Variants in STK39 observed in about 807,000 individuals in gnomAD.
STK39 encodes the protein STE20/SPS1-related proline-alanine-rich protein kinase.
Under a neutral mutation model 77.8 loss-of-function variants are expected in STK39, and 20 were observed. The ratio of observed to expected loss-of-function variants is 0.26; its 90% CI spans 0.18 to 0.37. The LOEUF (loss-of-function observed/expected upper bound fraction) is 0.37. Among genes scored for constraint, STK39 ranks in the 10% least tolerant of loss-of-function variants. The pLI, the probability that STK39 is intolerant of heterozygous loss-of-function variation, is 1.00. For missense variants in STK39, 479 were observed against 656.5 expected, an observed-to-expected ratio of 0.73 and a Z score of 2.95; for synonymous variants, 246 against 234.1, an observed-to-expected ratio of 1.05 and a Z score of -0.47.
chr2:168,191,748 G>C (rs1027440216), intron 1 of STK39, among the ~76,000 whole-genome samples: 5 of 152,144 alleles, frequency 3.3e-5, no homozygotes, highest in Admixed American at 3.3e-4. Context: ...TCAGTCAGGG[G>C]CTATTAGGAA....
intron 1 of STK39, among the ~76,000 whole-genome samples, chr2:168,245,997 T>G (rs1690889206): frequency 6.6e-6 from 1 of 152,140 alleles, no homozygotes; most frequent in Non-Finnish European, 1.5e-5. Flanking sequence ...GCTGTTTTAT[T>G]CCCCAATAGC....
chr2:168,074,121 C>T (rs1409433075), intron 12 of STK39, among the ~76,000 whole-genome samples: 2 of 152,108 alleles, frequency 1.3e-5, no homozygotes, highest in East Asian at 3.9e-4. Context: ...GCTCTGCTGT[C>T]CTCCTCCTTA....
chr2:168,057,749 A>G (rs1685563592), intron 14 of STK39, among the ~76,000 whole-genome samples: 1 of 152,078 alleles, frequency 6.6e-6, no homozygotes, highest in South Asian at 2.1e-4. Flanking sequence ...AACTAATGAC[A>G]TTCCCTGTTT....
At chr2:168,206,603 G>T (rs961436486) in intron 1 of STK39, among the ~76,000 whole-genome samples, 1 of 152,064 alleles carries the variant, frequency 6.6e-6, no homozygotes, top group Non-Finnish European at 1.5e-5. Flanking sequence ...GCCCGGCTGA[G>T]ATCTAGACTC....
At chr2:168,147,339 G>A (rs181641152) in intron 5 of STK39, among the ~76,000 whole-genome samples, 4 of 152,222 alleles carry the variant, frequency 2.6e-5, no homozygotes, top group Admixed American at 6.5e-5. Flanking sequence ...GCCAGCATCC[G>A]GCCTTCCCGA....
chr2:168,181,882 A>C, intron 2 of STK39, 96 bp downstream of exon 2: 4 of 1,032,916 alleles, frequency 3.9e-6, no homozygotes, highest in Non-Finnish European at 5.9e-6. Context: ...GCATATGTCA[A>C]AACTGGAGAT....
chr2:168,090,749 C>G (rs1290393299), intron 10 of STK39, among the ~76,000 whole-genome samples: 2 of 152,148 alleles, frequency 1.3e-5, no homozygotes, highest in East Asian at 3.8e-4. Flanking sequence ...CCTCAGAAAA[C>G]AACCATCTTT....
At chr2:167,993,359 A>G (rs560642934) in intron 16 of STK39, among the ~76,000 whole-genome samples, 1 of 152,318 alleles carries the variant, frequency 6.6e-6, no homozygotes, top group South Asian at 2.1e-4. Context: ...CTTGCTCCTT[A>G]TTAAGAATCA....
At chr2:168,039,745 G>A (rs1373237748) in intron 14 of STK39, among the ~76,000 whole-genome samples, 2 of 152,232 alleles carry the variant, frequency 1.3e-5, no homozygotes, top group East Asian at 1.9e-4. Flanking sequence ...CTTCACGGGT[G>A]TACACAGCTG....
rs79635316 is a variant in STK39 at position 168,243,170 on chromosome 2, A to G, written c.208+4058T>C. On this transcript the variant is annotated intron_variant, in intron 1 of 17. Transcript: ENST00000355999. Reference sequence around the variant, plus strand: ...GCCAGCGAAGGTACCACTGTCCTCAAACTGCCTCTAGGATATCTATAAAAA... The same window carrying G: ...GCCAGCGAAGGTACCACTGTCCTCAGACTGCCTCTAGGATATCTATAAAAA... 1.8e-3 allele frequency among the ~76,000 whole-genome samples: 273 copies of G among 152,324 alleles called. 1 individual carries two copies. Among genetic ancestry groups the G allele is most frequent in the African/African-American group, 6.2e-3 (256 of 41,584 alleles).
In STK39 at chr2:168,246,916, G is replaced by GCGC. The variant is rs1321391196; in HGVS notation, c.208+309_208+311dup. On this transcript the variant is annotated intron_variant, in intron 1 of 17. Transcript: ENST00000355999. Reference sequence around the variant, plus strand: ...CACGCGGGGGGAGGAAGATGCGGCGGCGCCGCCTGGTCCTCCGCTCCACCG... The same window carrying GCGC: ...CACGCGGGGGGAGGAAGATGCGGCGGCGCCGCCGCCTGGTCCTCCGCTCCACCG... Among the ~76,000 whole-genome samples, 7 of 152,040 alleles carry GCGC rather than the reference G, an allele frequency of 4.6e-5. No individual in the cohort carries two copies. The East Asian group carries it at 5.8e-4, about 13-fold the overall frequency.
At chr2:167,963,407 A>G (rs995239530) in intron 17 of STK39, among the ~76,000 whole-genome samples, 9 of 152,136 alleles carry the variant, frequency 5.9e-5, no homozygotes, top group African/African-American at 1.9e-4. Context: ...CTCTGTTTGC[A>G]TATTACAAAT....
chr2:168,242,326 C>A (rs1020338604), intron 1 of STK39, among the ~76,000 whole-genome samples: 9 of 151,500 alleles, frequency 5.9e-5, no homozygotes, highest in African/African-American at 2.2e-4. Context: ...ACTTGGGAGG[C>A]TGAGGCAGGC....
chr2:167,974,065 G>T (rs10183952), intron 16 of STK39, among the ~76,000 whole-genome samples: 24,008 of 152,052 alleles, frequency 0.16, 2,120 homozygotes, highest in African/African-American at 0.21. Flanking sequence ...CTAATGCAAG[G>T]ATGAAATTTG....
intron 1 of STK39, among the ~76,000 whole-genome samples, chr2:168,225,400 CAA>C (rs2105249541): frequency 6.6e-6 from 1 of 152,194 alleles, no homozygotes; most frequent in East Asian, 1.9e-4. Context: ...GTTAGTTCCT[CAA>C]AGAGTATCAG....
chr2:168,036,162 A>T (rs1684947239), intron 14 of STK39, among the ~76,000 whole-genome samples: 1 of 152,090 alleles, frequency 6.6e-6, no homozygotes. Flanking sequence ...TTTCTCTGGG[A>T]TTAGCCCAAA....
intron 4 of STK39, among the ~76,000 whole-genome samples, 175 bp from the exon 5 acceptor site, chr2:168,162,017 G>A (rs968575633): frequency 2.6e-5 from 4 of 152,178 alleles, no homozygotes; most frequent in African/African-American, 9.6e-5. Flanking sequence ...TGGGCACAGT[G>A]GCTCACGCCT....
chr2:168,097,059 A>C (rs1205914800), intron 10 of STK39, among the ~76,000 whole-genome samples: 1 of 152,170 alleles, frequency 6.6e-6, no homozygotes, highest in African/African-American at 2.4e-5. Context: ...AGCACAACCC[A>C]GGGTTAAAGT....
intron 16 of STK39, among the ~76,000 whole-genome samples, chr2:167,991,249 A>G (rs142334954): frequency 5.9e-4 from 90 of 152,334 alleles, no homozygotes; most frequent in Non-Finnish European, 1.2e-3. Context: ...ATAAACATCT[A>G]AATCAGACTG....
Sources: allele counts gnomAD v4.1 joint callset (sites outside exome capture counted in the v4.1 genomes callset), GRCh38; gene constraint gnomAD v4.1.1; transcripts MANE v1.5; gene names NCBI Gene and HGNC (gene_info 2026-07-23, HGNC 2026-07-21).